ZC3H3: variants seen among roughly 807,000 people sequenced by gnomAD.
ZC3H3 encodes zinc finger CCCH-type containing 3.
ZC3H3 carries 36 observed loss-of-function variants against 77.3 expected under a neutral mutation model. The ratio of observed to expected loss-of-function variants is 0.47; its 90% CI spans 0.36 to 0.61. ZC3H3 has a LOEUF of 0.61. Ranked by LOEUF, ZC3H3 falls within the 20% of genes least tolerant of loss-of-function variation. The pLI is 0.00. For synonymous variants in ZC3H3, 626 were observed against 555.2 expected (o/e 1.13, Z -1.79); for missense variants, 1,331 against 1,312.2 (o/e 1.01, Z -0.22).
In ZC3H3 at chr8:143,515,829, G is replaced by A. The variant is rs182646817; in HGVS notation, c.1562-7930C>T. Among the ~76,000 whole-genome samples, 8 of 152,344 alleles carry A rather than the reference G, an allele frequency of 5.3e-5. No individual in the cohort carries two copies. The East Asian group carries it at 1.5e-3, about 29-fold the overall frequency. ...GGTGCCTTTGGAAGGGATGGAGACT[G>A]GACACACCGGCCGCCTCTACCTGTG... On this transcript the variant is annotated intron_variant, in intron 3 of 11. Transcript: ENST00000262577.
chr8:143,438,142 A>C, intron 11 of ZC3H3, 55 bp from the exon 12 acceptor site: 1 of 1,575,714 alleles, frequency 6.3e-7, no homozygotes, highest in East Asian at 2.3e-5. Context: ...GAACCTCCCC[A>C]GCCTGCAAAG....
rs553309585 is a variant in ZC3H3 at position 143,522,287 on chromosome 8, C to T, written c.1561+13970G>A. Among the ~76,000 whole-genome samples the T allele has an allele frequency of 3.3e-5, 5 of 152,360 alleles. No homozygotes were observed. The South Asian group carries it at 1.0e-3, about 32-fold the overall frequency. On this transcript the variant is annotated intron_variant, in intron 3 of 11. Coordinates refer to ENST00000262577, the MANE Select transcript of ZC3H3 (RefSeq NM_015117.3). ...GAAGACTCCCTGACCTCACTACAGG[C>T]CTATTTCCTTTGCCTCATTAAAAAT...
Position 143,465,832 on chromosome 8 carries a change from T to C in ZC3H3, c.2192A>G (p.Tyr731Cys), listed in dbSNP as rs1406522828. ...GTTGCTGCAGATGCCCTTCAGGAAG[T>C]AGGAGCACACCGGCATCTGCAGGGA... ...VSKEKMPVCS[Y>C]FLKGICSNSN... The change falls in exon 9 of 12, where the codon TAC becomes TGC. Residue 731 changes from tyrosine (Y) to cysteine (C), a missense_variant. Physicochemically the swap from Tyr to Cys is radical, Grantham distance 194. This residue lies in a region of ZC3H3 where 104 missense variants were observed against 159.7 expected (regional missense o/e 0.65). Transcript: ENST00000262577. 1 of 1,612,170 alleles carries C rather than the reference T, an allele frequency of 6.2e-7. No individual in the cohort carries two copies. Among genetic ancestry groups the C allele is most frequent in the South Asian group, 1.1e-5 (1 of 91,066 alleles).
intron 8 of ZC3H3, among the ~76,000 whole-genome samples, chr8:143,466,475 T>C (rs2129870001): frequency 6.6e-6 from 1 of 152,298 alleles, no homozygotes; most frequent in Non-Finnish European, 1.5e-5. Context: ...CTGGCCACAG[T>C]CAGTGCTTGT....
At chr8:143,467,651 G>GGGC (rs1426776184) in intron 8 of ZC3H3, among the ~76,000 whole-genome samples, 3 of 152,178 alleles carry the variant, frequency 2.0e-5, no homozygotes, top group Non-Finnish European at 2.9e-5. Context: ...CCCAGCCCCA[G>GGGC]GGCTCTCTTG....
At chr8:143,465,679 A>G in intron 9 of ZC3H3, 38 bp downstream of exon 9, 3 of 1,609,388 alleles carry the variant, frequency 1.9e-6, no homozygotes, top group Non-Finnish European at 2.5e-6. Flanking sequence ...AACAAGCCAC[A>G]GGAACCCCGC....
At chr8:143,480,044 C>A (rs1368409251) in intron 4 of ZC3H3, among the ~76,000 whole-genome samples, 1 of 152,194 alleles carries the variant, frequency 6.6e-6, no homozygotes, top group Non-Finnish European at 1.5e-5. Context: ...TCAGCCTGGG[C>A]CCCTCGGACC....
rs1822800112 is a variant in ZC3H3, at chr8:143,536,394, C to CT, written c.1423dup (p.Ser475LysfsTer151). 4 of 1,576,354 alleles carry CT rather than the reference C, an allele frequency of 2.5e-6. No individual in the cohort carries two copies. The highest frequency in any genetic ancestry group is 3.4e-6 in the Non-Finnish European group (4 of 1,159,682). ...CCTGAGGGCCTGTCTCCGCCGGAGG[C>CT]TGAGGTGGCTCTTGGCGGTGGCGGC... is the stretch of plus-strand genomic sequence containing the variant. On this transcript the variant is annotated frameshift_variant, in exon 3 of 12. Transcript: ENST00000262577. LOFTEE classifies it high-confidence loss of function.
Position 143,538,547 on chromosome 8 carries a change from C to A in ZC3H3, c.820G>T (p.Val274Phe). The A allele has an allele frequency of 6.2e-7, 1 of 1,611,758 alleles. No homozygotes were observed. The highest frequency in any genetic ancestry group is 8.5e-7 in the Non-Finnish European group (1 of 1,179,998). Reference protein sequence around the residue: ...RVDAGHTDQPVPSGSVGGPAR... With the variant: ...RVDAGHTDQPFPSGSVGGPAR... ...GGGCCCCCCACTGAGCCAGACGGAA[C>A]TGGCTGATCTGTGTGGCCAGCATCT... The change falls in exon 2 of 12, where the codon GTT (valine) becomes TTT (phenylalanine). Residue 274 changes from valine (V) to phenylalanine (F), a missense_variant. Around this residue, in one of 3 missense-constraint regions of ZC3H3, gnomAD observed 978 missense variants for 915.5 expected, o/e 1.07. Coordinates refer to ENST00000262577, the MANE Select transcript of ZC3H3 (RefSeq NM_015117.3).
intron 5 of ZC3H3, among the ~76,000 whole-genome samples, chr8:143,473,136 C>T (rs559802919): frequency 1.3e-4 from 20 of 152,324 alleles, no homozygotes; most frequent in Non-Finnish European, 1.8e-4. Context: ...GTACTACTAT[C>T]GTGACTACCG....
chr8:143,447,726 C>G (rs1010350122), intron 9 of ZC3H3, among the ~76,000 whole-genome samples: 1 of 152,112 alleles, frequency 6.6e-6, no homozygotes, highest in South Asian at 2.1e-4. Context: ...TTCACACGGC[C>G]GAGCAGGAGG....
At position 143,437,773 on chromosome 8, in the gene ZC3H3, T is replaced by C. The variant is rs1819624669; in HGVS notation, c.*283A>G. 1 of 502,790 alleles carries C rather than the reference T, an allele frequency of 2.0e-6. No individual in the cohort carries two copies. The highest frequency in any genetic ancestry group is 3.4e-5 in the East Asian group (1 of 29,282). The allele number at this position is 502,790 out of a possible 1,614,324, so 31.1% of individuals were successfully genotyped here. A position where few individuals can be genotyped will look rare whatever the true frequency, so the allele number is the denominator to read the frequency against. On this transcript the variant is annotated 3_prime_UTR_variant, in exon 12 of 12. Coordinates refer to ENST00000262577, the MANE Select transcript of ZC3H3 (RefSeq NM_015117.3). ...GGAGGGCTGGGGGCTGCAGGGCCACTGTTGCCAATGGCAGTCGGGGACAGG... is the reference window on the plus strand; with the variant it reads ...GGAGGGCTGGGGGCTGCAGGGCCACCGTTGCCAATGGCAGTCGGGGACAGG...
intron 9 of ZC3H3, among the ~76,000 whole-genome samples, chr8:143,443,284 CAAAAAAA>C (rs34765299): frequency 0.049 from 3,047 of 61,958 alleles, 112 homozygotes; most frequent in African/African-American, 0.17. Flanking sequence ...GACCCTGTCT[CAAAAAAA>C]AAAAAAAAAA....
chr8:143,536,475 A>T, intron 2 of ZC3H3, 22 bp from the exon 3 acceptor site: 1 of 1,475,350 alleles, frequency 6.8e-7, no homozygotes, highest in African/African-American at 1.4e-5. Flanking sequence ...AAATACAGGC[A>T]GCTCTCAACA....
chr8:143,512,020 T>C (rs1392402318), intron 3 of ZC3H3, among the ~76,000 whole-genome samples: 1 of 152,260 alleles, frequency 6.6e-6, no homozygotes, highest in Non-Finnish European at 1.5e-5. Context: ...AGGGATGATG[T>C]TGACTTGCCT....
intron 1 of ZC3H3, among the ~76,000 whole-genome samples, chr8:143,539,805 G>A (rs1442301514): frequency 3.3e-5 from 5 of 152,158 alleles, no homozygotes; most frequent in Non-Finnish European, 7.4e-5. Context: ...CTGACAACAG[G>A]AAAAAAGAAT....
chr8:143,529,665 C>T (rs1477293214), intron 3 of ZC3H3, among the ~76,000 whole-genome samples: 1 of 152,336 alleles, frequency 6.6e-6, no homozygotes, highest in Non-Finnish European at 1.5e-5. Context: ...TTTGGCTTCA[C>T]CAGGGCTAGA....
At chr8:143,503,758 C>T (rs1399263589) in intron 4 of ZC3H3, among the ~76,000 whole-genome samples, 2 of 151,212 alleles carry the variant, frequency 1.3e-5, no homozygotes, top group Non-Finnish European at 3.0e-5. Flanking sequence ...CCGACCACCT[C>T]CTCCAGCACC....
In ZC3H3 at chr8:143,492,171, A is replaced by G. The variant is rs551303848; in HGVS notation, c.1715+15575T>C. On this transcript the variant is annotated intron_variant, in intron 4 of 11. Transcript: ENST00000262577. ...GGAGGCCTAAGAGGCACAGAGATGCAGGGACCAGCAGGCCCAGGTCGGGCG... is the reference window on the plus strand; with the variant it reads ...GGAGGCCTAAGAGGCACAGAGATGCGGGGACCAGCAGGCCCAGGTCGGGCG... 2.8e-3 allele frequency among the ~76,000 whole-genome samples: 423 copies of G among 152,324 alleles called. 2 individuals are homozygous for G. The highest frequency in any genetic ancestry group is 9.7e-3 in the African/African-American group (403 of 41,568).
Sources: gnomAD v4.1 joint callset for allele counts (sites outside exome capture counted in the v4.1 genomes callset) on GRCh38, gnomAD v4.1.1 for gene constraint, gnomAD v4.1.1 regional missense constraint, MANE v1.5 for transcripts, NCBI Gene and HGNC (gene_info 2026-07-23, HGNC 2026-07-21) for gene names.